ARID1B: variants seen among roughly 807,000 people sequenced by gnomAD.
ARID1B encodes AT-rich interaction domain 1B.
In ARID1B, 30 loss-of-function variants were observed where a neutral mutation model predicts 212.3. The ratio of observed to expected loss-of-function variants is 0.14; its 90% CI spans 0.11 to 0.19. ARID1B has a LOEUF of 0.19. Ranked by LOEUF, ARID1B falls within the 10% of genes least tolerant of loss-of-function variation. ARID1B has a pLI of 1.00. For missense variants in ARID1B, 2,891 were observed against 3,204.0 expected (o/e 0.90, Z 2.36); for synonymous variants, 1,402 against 1,301.7 (o/e 1.08, Z -1.66).
intron 4 of ARID1B, chr6:156,935,781 T>C (rs929305144): frequency 3.2e-5 from 16 of 497,478 alleles, no homozygotes; most frequent in Non-Finnish European, 5.4e-5. Context: ...TATATCTCTG[T>C]TGCAGAGTGT....
At chr6:156,919,802 G>T (rs752655985) in intron 3 of ARID1B, among the ~76,000 whole-genome samples, 1 of 152,224 alleles carries the variant, frequency 6.6e-6, no homozygotes, top group Non-Finnish European at 1.5e-5. Flanking sequence ...CTGCACTCCA[G>T]CCTGGGTCAC....
At chr6:156,895,066 G>A (rs9384510) in intron 2 of ARID1B, among the ~76,000 whole-genome samples, 17,262 of 152,216 alleles carry the variant, frequency 0.11, 1,198 homozygotes, top group East Asian at 0.32. Context: ...AGAAATCTTG[G>A]ATGTAAAGGT....
intron 4 of ARID1B, among the ~76,000 whole-genome samples, chr6:156,993,714 G>A (rs1183419568): frequency 6.6e-6 from 1 of 152,172 alleles, no homozygotes. Context: ...ACAAGCATGG[G>A]TAGAACCATT....
chr6:157,116,363 C>A (rs1787320804), intron 6 of ARID1B, among the ~76,000 whole-genome samples: 3 of 151,392 alleles, frequency 2.0e-5, no homozygotes, highest in Admixed American at 6.6e-5. Context: ...TAATTGAATT[C>A]CCTTTTAATT....
chr6:157,154,359 T>C (rs1790404064), intron 8 of ARID1B, among the ~76,000 whole-genome samples: 2 of 152,210 alleles, frequency 1.3e-5, no homozygotes, highest in African/African-American at 4.8e-5. Context: ...AAGCTAATAC[T>C]GTGTTCATAA....
intron 5 of ARID1B, among the ~76,000 whole-genome samples, chr6:157,108,616 G>A (rs780248007): frequency 6.6e-6 from 1 of 152,336 alleles, no homozygotes; most frequent in South Asian, 2.1e-4. Flanking sequence ...TGAGCACACA[G>A]CAACTTTTGT....
At chr6:156,904,268 T>C (rs1446628256) in intron 3 of ARID1B, among the ~76,000 whole-genome samples, 1 of 152,220 alleles carries the variant, frequency 6.6e-6, no homozygotes, top group Non-Finnish European at 1.5e-5. Context: ...CCCCTTCTTT[T>C]ACTCACTTAA....
chr6:156,941,077 T>C (rs535208578), intron 4 of ARID1B: 1 of 152,336 alleles, frequency 6.6e-6, no homozygotes, highest in Admixed American at 6.5e-5. Flanking sequence ...AAAAAAATTA[T>C]AAGTTAATGA....
At chr6:157,020,108 C>T (rs1284431381) in intron 4 of ARID1B, among the ~76,000 whole-genome samples, 1 of 151,980 alleles carries the variant, frequency 6.6e-6, no homozygotes, top group Non-Finnish European at 1.5e-5. Flanking sequence ...AGGAGAAAGT[C>T]ATTTCAGGAA....
chr6:157,047,458 G>C (rs1018772617), intron 4 of ARID1B, among the ~76,000 whole-genome samples: 2 of 152,228 alleles, frequency 1.3e-5, no homozygotes. Context: ...AGATGACAGA[G>C]TGTTTAGATA....
Position 156,777,894 on chromosome 6 carries a change from CACCACCACCCCCTGCTCCCCCGTCACGA to C in ARID1B, c.217_244del (p.His73SerfsTer71), listed in dbSNP as rs2114955799. On this transcript the variant is annotated frameshift_variant, in exon 1 of 20. Coordinates refer to ENST00000636930, the MANE Select transcript of ARID1B (RefSeq NM_001374828.1). LOFTEE classifies it high-confidence loss of function. ...CGGCGGCGGCGGCCTGAACAGTGTGCACCACCACCCCCTGCTCCCCCGTCACGAACTCAACATGGCCCATAACGCGGGC... is the reference window on the plus strand; with the variant it reads ...CGGCGGCGGCGGCCTGAACAGTGTGCACTCAACATGGCCCATAACGCGGGC... 6.7e-7 allele frequency: 1 copy of C among 1,491,682 alleles called. No homozygotes were observed. Among genetic ancestry groups the C allele is most frequent in the South Asian group, 1.3e-5 (1 of 77,460 alleles). The allele number at this position is 1,491,682 out of a possible 1,614,324, so 92.4% of individuals were successfully genotyped here.
intron 2 of ARID1B, among the ~76,000 whole-genome samples, chr6:156,882,166 G>A (rs567906837): frequency 1.3e-5 from 2 of 151,942 alleles, no homozygotes; most frequent in African/African-American, 4.8e-5. Flanking sequence ...TCTTACTCTC[G>A]TTTCTCTTCT....
At chr6:156,818,193 A>G (rs1782110103) in intron 1 of ARID1B, among the ~76,000 whole-genome samples, 1 of 148,632 alleles carries the variant, frequency 6.7e-6, no homozygotes, top group Non-Finnish European at 1.5e-5. Flanking sequence ...CATTACAGTA[A>G]GAGTCAATAT....
intron 13 of ARID1B, among the ~76,000 whole-genome samples, chr6:157,188,386 A>C (rs1307516277): frequency 6.6e-6 from 1 of 152,112 alleles, no homozygotes; most frequent in Non-Finnish European, 1.5e-5. Context: ...TCTGGCTAGG[A>C]ATGTCTCTGT....
At chr6:157,111,131 G>T (rs971084450) in intron 6 of ARID1B, 2 of 153,108 alleles carry the variant, frequency 1.3e-5, no homozygotes, top group Admixed American at 6.5e-5. Flanking sequence ...GTTAGTGCCA[G>T]TCCCAGAAAA....
intron 17 of ARID1B, 127 bp downstream of exon 17, chr6:157,199,034 T>A: frequency 1.3e-6 from 1 of 793,062 alleles, no homozygotes; most frequent in Non-Finnish European, 1.9e-6. Context: ...TGTTGAGCAT[T>A]CAGGATATAG....
intron 2 of ARID1B, among the ~76,000 whole-genome samples, chr6:156,831,197 A>G (rs1783114165): frequency 6.6e-6 from 1 of 152,234 alleles, no homozygotes. Flanking sequence ...GTTGAGAGGA[A>G]GACAGCCCAG....
At chr6:157,061,821 A>G (rs895097352) in intron 4 of ARID1B, among the ~76,000 whole-genome samples, 3 of 152,198 alleles carry the variant, frequency 2.0e-5, no homozygotes, top group Non-Finnish European at 4.4e-5. Flanking sequence ...ATTTTTTCAC[A>G]GCATAAAAAA....
intron 4 of ARID1B, among the ~76,000 whole-genome samples, chr6:157,082,776 G>A (rs551223993): frequency 1.8e-4 from 27 of 152,296 alleles, no homozygotes; most frequent in Non-Finnish European, 2.1e-4. Flanking sequence ...CTCTGTTGCT[G>A]TTCTGTTGTT....
Sources: allele counts gnomAD v4.1 joint callset (sites outside exome capture counted in the v4.1 genomes callset), GRCh38; gene constraint gnomAD v4.1.1; transcripts MANE v1.5; gene names NCBI Gene and HGNC (gene_info 2026-07-23, HGNC 2026-07-21).